The following ATP7B variants were observed in gnomAD, a reference collection of about 807,000 sequenced individuals.
ATP7B encodes the protein ATPase copper transporting beta.
A neutral mutation model predicts 118.9 loss-of-function variants in ATP7B; 113 were observed. The observed-to-expected ratio is 0.95, with a 90% CI of 0.82 to 1.11. The LOEUF is 1.11. ATP7B is among the 50% of genes most tolerant of loss of function. The pLI is 0.00. For synonymous variants in ATP7B, 777 were observed against 727.4 expected (o/e 1.07, Z -1.10); for missense variants, 1,867 against 1,871.4 (o/e 1.00, Z 0.04).
At chr13:51,999,225 AG>A in intron 1 of ATP7B, among the ~76,000 whole-genome samples, 1 of 152,304 alleles carries the variant, frequency 6.6e-6, no homozygotes, top group South Asian at 2.1e-4. Flanking sequence ...TTAGGAGAGA[AG>A]AACAGTAGCA....
Position 51,937,364 on chromosome 13 carries a change from A to G in ATP7B, c.3933T>C (p.Ile1311=). 6.2e-7 allele frequency: 1 copy of G among 1,614,224 alleles called. No homozygotes were observed. The highest frequency in any genetic ancestry group is 1.3e-5 in the African/African-American group (1 of 75,042). ...RNDLLDVVAS[I]HLSKRTVRRI... ...TTCGGACAGTCCTCTTGGAAAGGTG[A>G]ATGCTAGCCACCACATCCAGCAAAT... The change falls in exon 19 of 21, where the codon ATT becomes ATC. Residue 1311 remains isoleucine (I), a synonymous_variant. Coordinates refer to ENST00000242839, the MANE Select transcript of ATP7B (RefSeq NM_000053.4).
chr13:51,985,702 A>G (rs1047555103), intron 1 of ATP7B, among the ~76,000 whole-genome samples: 1 of 152,236 alleles, frequency 6.6e-6, no homozygotes, highest in African/African-American at 2.4e-5. Flanking sequence ...AAGAACAGAA[A>G]TAATAACAAA....
intron 1 of ATP7B, chr13:51,975,659 C>T (rs1472400383): frequency 2.2e-6 from 1 of 459,810 alleles, no homozygotes; most frequent in Non-Finnish European, 4.4e-6. Flanking sequence ...ACTTCTATAT[C>T]TCTTTCTAGG....
intron 1 of ATP7B, among the ~76,000 whole-genome samples, chr13:51,980,775 G>C (rs1952373989): frequency 6.6e-6 from 1 of 152,196 alleles, no homozygotes. Context: ...TAGGATACCA[G>C]TCAGTCCCCT....
In ATP7B at chr13:51,950,104, T is replaced by A; in HGVS notation, c.2633A>T (p.Asn878Ile). Residue 878 changes from asparagine to isoleucine, a missense_variant, in exon 11 of 21, where the codon AAT becomes ATT. Asn to Ile is a moderately radical substitution (Grantham distance 149, BLOSUM62 -3). Coordinates refer to ENST00000242839, the MANE Select transcript of ATP7B (RefSeq NM_000053.4). ...TTTAATGAGCACAGAGCCATGTGCA[T>A]TTATAGACCCCGCAATTACAGTGCT... is the stretch of plus-strand genomic sequence containing the variant. ...PGSTVIAGSI[N>I]AHGSVLIKAT... The A allele has an allele frequency of 6.2e-7, 1 of 1,614,198 alleles. No homozygotes were observed. Among genetic ancestry groups the A allele is most frequent in the Non-Finnish European group, 8.5e-7 (1 of 1,180,030 alleles).
rs748113748 is a variant in ATP7B, at chr13:51,950,335, T to C, written c.2512A>G (p.Lys838Glu). 4.3e-6 allele frequency: 7 copies of C among 1,613,996 alleles called. No homozygotes were observed. The Admixed American group carries it at 1.2e-4, about 27-fold the overall frequency. ...GDIVKVVPGG[K>E]FPVDGKVLEG... is the part of the protein sequence containing the mutation. ...AGGACTTTCCCATCCACTGGAAACT[T>C]TCCCCCAGGGACCACCTTGACGATA... is the stretch of plus-strand genomic sequence containing the variant. The change falls in exon 10 of 21, where the codon AAG becomes GAG. Residue 838 changes from lysine (K) to glutamate (E), a missense_variant. Physicochemically the swap from Lys to Glu is moderately conservative, Grantham distance 56 (BLOSUM62 1). Coordinates refer to ENST00000242839, the MANE Select transcript of ATP7B (RefSeq NM_000053.4).
At chr13:51,948,580 A>C (rs753266148) in intron 12 of ATP7B, among the ~76,000 whole-genome samples, 4 of 152,160 alleles carry the variant, frequency 2.6e-5, no homozygotes, top group Admixed American at 6.5e-5. Flanking sequence ...TGCTACTGAC[A>C]TTTGGGGCCA....
chr13:51,957,238 T>C (rs1417611431), intron 9 of ATP7B, among the ~76,000 whole-genome samples: 1 of 152,200 alleles, frequency 6.6e-6, no homozygotes, highest in Non-Finnish European at 1.5e-5. Flanking sequence ...TCTGTGAAGT[T>C]TCCCTTGACC....
intron 1 of ATP7B, among the ~76,000 whole-genome samples, chr13:52,001,283 C>T (rs1953481541): frequency 6.6e-6 from 1 of 152,168 alleles, no homozygotes; most frequent in Admixed American, 6.5e-5. Flanking sequence ...GTCAGAATAC[C>T]TATAAGAGGA....
At chr13:51,982,430 G>A (rs1335592476) in intron 1 of ATP7B, among the ~76,000 whole-genome samples, 1 of 152,180 alleles carries the variant, frequency 6.6e-6, no homozygotes, top group African/African-American at 2.4e-5. Context: ...CAGGGCACAT[G>A]TATGCTTTTA....
chr13:51,946,001 C>T (rs1218977286), intron 13 of ATP7B, among the ~76,000 whole-genome samples: 1 of 152,194 alleles, frequency 6.6e-6, no homozygotes, highest in East Asian at 1.9e-4. Context: ...GTTACCTAAT[C>T]TCCTCCTGCT....
intron 1 of ATP7B, among the ~76,000 whole-genome samples, chr13:51,997,741 G>A (rs1171780795): frequency 6.6e-6 from 1 of 152,210 alleles, no homozygotes; most frequent in Non-Finnish European, 1.5e-5. Flanking sequence ...AGTAGAATAC[G>A]ATTAAACAAA....
chr13:51,951,624 C>T (rs182154178), intron 9 of ATP7B, among the ~76,000 whole-genome samples: 17 of 152,254 alleles, frequency 1.1e-4, no homozygotes, highest in Admixed American at 1.1e-3. Flanking sequence ...ATCCCTGAGA[C>T]ACTCCACTAT....
rs577005785 is a variant in ATP7B at position 51,938,243 on chromosome 13, C to T, written c.3700-564G>A. Among the ~76,000 whole-genome samples, 6 of 129,540 alleles carry T rather than the reference C, an allele frequency of 4.6e-5. No homozygotes were observed. The East Asian group carries it at 9.1e-4, about 20-fold the overall frequency. The allele number at this position is 129,540 out of a possible 152,430, so 85.0% of individuals were successfully genotyped here. On this transcript the variant is annotated intron_variant, in intron 17 of 20. Coordinates refer to ENST00000242839, the MANE Select transcript of ATP7B (RefSeq NM_000053.4). ...CCTGGGAAGGTGCAGTTTTCCTTTC[C>T]TAGTCCCTTTCCCGCTTCTCAGATC...
At position 51,941,133 on chromosome 13, in the gene ATP7B, A is replaced by G; in HGVS notation, c.3504T>C (p.Ala1168=). The G allele has an allele frequency of 6.2e-7, 1 of 1,614,210 alleles. No individual in the cohort carries two copies. Reference sequence around the variant, plus strand: ...GTCCTTTCATCTCGTGGTCTGTCATAGCGTCACTGACATCGCTAGAAATGG... The same window carrying G: ...GTCCTTTCATCTCGTGGTCTGTCATGGCGTCACTGACATCGCTAGAAATGG... The part of the protein sequence containing the change: ...GLTISSDVSD[A]MTDHEMKGQT... Residue 1168 remains alanine, a synonymous_variant, in exon 16 of 21, where the codon GCT becomes GCC. Transcript: ENST00000242839.
At chr13:52,007,145 A>G (rs1953810062) in intron 1 of ATP7B, among the ~76,000 whole-genome samples, 1 of 152,142 alleles carries the variant, frequency 6.6e-6, no homozygotes, top group Non-Finnish European at 1.5e-5. Context: ...ACTGTGGTGC[A>G]CCTACATGTG....
At chr13:51,983,662 G>C (rs1566628584) in intron 1 of ATP7B, among the ~76,000 whole-genome samples, 5 of 151,780 alleles carry the variant, frequency 3.3e-5, no homozygotes, top group Non-Finnish European at 1.5e-5. Flanking sequence ...ATACAAGAGA[G>C]TCTGGCTGGC....
At chr13:52,011,161 T>G in intron 1 of ATP7B, 126 bp downstream of exon 1, 1 of 1,389,300 alleles carries the variant, frequency 7.2e-7, no homozygotes, top group Non-Finnish European at 1.0e-6. Flanking sequence ...AAGACATCCC[T>G]GGAGCTGGGG....
rs75077972 is a variant in ATP7B at position 52,006,723 on chromosome 13, C to T, written c.51+4564G>A. 9.7e-4 allele frequency among the ~76,000 whole-genome samples: 148 copies of T among 152,338 alleles called. 1 individual carries two copies. Among genetic ancestry groups the T allele is most frequent in the African/African-American group, 1.3e-3 (52 of 41,570 alleles). ...GCCTTCCACTCTTCCAGCCTTGCCA[C>T]GCCCCTCACAGTCCCCTAAATGCCT... On this transcript the variant is annotated intron_variant, in intron 1 of 20. Coordinates refer to ENST00000242839, the MANE Select transcript of ATP7B (RefSeq NM_000053.4).
Sources: allele counts gnomAD v4.1 joint callset (sites outside exome capture counted in the v4.1 genomes callset), GRCh38; gene constraint gnomAD v4.1.1; transcripts MANE v1.5; gene names NCBI Gene and HGNC (gene_info 2026-07-23, HGNC 2026-07-21).